Variants in SKP1 observed in about 807,000 individuals in gnomAD.
The protein encoded by SKP1 is S-phase kinase associated protein 1.
Under a neutral mutation model 21.5 loss-of-function variants are expected in SKP1, and 1 was observed. The ratio of observed to expected loss-of-function variants is 0.05; its 90% CI spans 0.02 to 0.22. SKP1 has a LOEUF of 0.22. SKP1 is among the 10% of genes least tolerant of loss of function. SKP1 has a pLI of 1.00. For synonymous variants in SKP1, 59 were observed against 59.3 expected, an observed-to-expected ratio of 0.99 and a Z score of 0.03; for missense variants, 70 against 192.0, an observed-to-expected ratio of 0.36 and a Z score of 3.76.
intron 3 of SKP1, among the ~76,000 whole-genome samples, chr5:134,164,089 G>A (rs1479833058): frequency 6.6e-6 from 1 of 152,054 alleles, no homozygotes; most frequent in Non-Finnish European, 1.5e-5. Context: ...GAGAGACTGA[G>A]GCAGGCGGAT....
chr5:134,172,906 G>A (rs917631204), intron 2 of SKP1, among the ~76,000 whole-genome samples: 9 of 151,866 alleles, frequency 5.9e-5, no homozygotes, highest in African/African-American at 2.2e-4. Context: ...CAGCTACTCG[G>A]GAGGCTAAGG....
intron 3 of SKP1, chr5:134,161,359 A>T: frequency 2.7e-6 from 1 of 377,056 alleles, no homozygotes; most frequent in East Asian, 3.9e-5. Context: ...ACTGTACTTG[A>T]CTACATTAAA....
rs969049239 is a variant in SKP1, at chr5:134,150,661, A to AC, written c.*7071dup. 3 of 152,292 alleles carry AC rather than the reference A, an allele frequency of 2.0e-5. No individual in the cohort carries two copies. Among genetic ancestry groups the AC allele is most frequent in the Admixed American group, 1.3e-4 (2 of 15,296 alleles). 9.4% of individuals were successfully genotyped at this position (152,292 alleles called of 1,614,324 possible). On this transcript the variant is annotated 3_prime_UTR_variant, in exon 6 of 6. Transcript: ENST00000353411. ...AAGCTCTTCAGGGCTTTAAGAGTTCACCAAGGGTTTCTGAAACAGCTGCCC... is the reference window on the plus strand; with the variant it reads ...AAGCTCTTCAGGGCTTTAAGAGTTCACCCAAGGGTTTCTGAAACAGCTGCCC...
At chr5:134,166,311 G>A (rs1184622811) in intron 3 of SKP1, among the ~76,000 whole-genome samples, 3 of 151,318 alleles carry the variant, frequency 2.0e-5, no homozygotes, top group Admixed American at 6.6e-5. Flanking sequence ...TGCTGGGCGC[G>A]GTGGCTCACA....
intron 5 of SKP1, 126 bp downstream of exon 5, chr5:134,158,329 A>AT: frequency 6.3e-7 from 1 of 1,575,370 alleles, no homozygotes; most frequent in African/African-American, 1.4e-5. Flanking sequence ...TTTAAGACAC[A>AT]TTAAGTACAT....
chr5:134,151,072 T>C lies in SKP1; in HGVS notation c.*6661A>G, dbSNP rs551377652. 1.3e-5 allele frequency: 2 copies of C among 152,332 alleles called. No homozygotes were observed. Among genetic ancestry groups the C allele is most frequent in the Non-Finnish European group, 2.9e-5 (2 of 68,050 alleles). 9.4% of individuals were successfully genotyped at this position (152,332 alleles called of 1,614,324 possible). On this transcript the variant is annotated 3_prime_UTR_variant, in exon 6 of 6. Transcript: ENST00000353411. ...GCAGTCCTCACAAGTTAGGTCACTA[T>C]TGGTAAGGGATGTTTCACTTCTGAA...
chr5:134,159,394 T>C (rs758114229), intron 4 of SKP1, among the ~76,000 whole-genome samples: 16 of 152,196 alleles, frequency 1.1e-4, no homozygotes, highest in Non-Finnish European at 2.4e-4. Flanking sequence ...GGAGACTTTT[T>C]TTTTAAGACA....
At chr5:134,167,508 T>C (rs955754426) in intron 2 of SKP1, among the ~76,000 whole-genome samples, 38 of 151,940 alleles carry the variant, frequency 2.5e-4, no homozygotes, top group Non-Finnish European at 5.1e-4. Flanking sequence ...TATCCGGCAT[T>C]GTAAGTAATC....
intron 1 of SKP1, among the ~76,000 whole-genome samples, chr5:134,175,963 C>G (rs1761534905): frequency 6.6e-6 from 1 of 152,076 alleles, no homozygotes; most frequent in African/African-American, 2.4e-5. Context: ...TTAAGTGACC[C>G]GAAATTCTGA....
intron 2 of SKP1, chr5:134,170,850 G>A: frequency 2.7e-6 from 1 of 374,262 alleles, no homozygotes; most frequent in Non-Finnish European, 5.2e-6. Flanking sequence ...TAGTGTGTCA[G>A]GCACCAAGAT....
Position 134,154,123 on chromosome 5 carries a change from A to G in SKP1, c.*3610T>C, listed in dbSNP as rs934554601. On this transcript the variant is annotated 3_prime_UTR_variant, in exon 6 of 6. Coordinates refer to ENST00000353411, the MANE Select transcript of SKP1 (RefSeq NM_170679.3). Reference sequence around the variant, plus strand: ...AGATTAAGGCAAGCTAACACATGGCACTTCAAAAGAGTAACTTGCTTCTAC... The same window carrying G: ...AGATTAAGGCAAGCTAACACATGGCGCTTCAAAAGAGTAACTTGCTTCTAC... 5 of 152,296 alleles carry G rather than the reference A, an allele frequency of 3.3e-5. No homozygotes were observed. The East Asian group carries it at 9.6e-4, about 29-fold the overall frequency. The allele number at this position is 152,296 out of a possible 1,614,324, so 9.4% of individuals were successfully genotyped here.
rs547494446 is a variant in SKP1 at position 134,159,406 on chromosome 5, C to T, written c.316-811G>A. On this transcript the variant is annotated intron_variant, in intron 4 of 5. Transcript: ENST00000353411. ...AATGGAGACTTTTTTTTTAAGACAC[C>T]GTCTCACTCTGTCACCCAGGCTGGA... Among the ~76,000 whole-genome samples the T allele has an allele frequency of 7.2e-5, 11 of 152,082 alleles. No individual in the cohort carries two copies. In the South Asian group the frequency reaches 8.3e-4, roughly 12 times the overall value.
At position 134,153,944 on chromosome 5, in the gene SKP1, A is replaced by ATAT. The variant is rs910638628; in HGVS notation, c.*3788_*3789insATA. ...TACCTGTCCAACCAAGTCACAATATAGTTCTTGCTTAATTCCAGGAGCTGG... is the reference window on the plus strand; with the variant it reads ...TACCTGTCCAACCAAGTCACAATATATATGTTCTTGCTTAATTCCAGGAGCTGG... On this transcript the variant is annotated 3_prime_UTR_variant, in exon 6 of 6. Coordinates refer to ENST00000353411, the MANE Select transcript of SKP1 (RefSeq NM_170679.3). 1 of 152,232 alleles carries ATAT rather than the reference A, an allele frequency of 6.6e-6. No homozygotes were observed. The highest frequency in any genetic ancestry group is 2.4e-5 in the African/African-American group (1 of 41,460). 9.4% of individuals were successfully genotyped at this position (152,232 alleles called of 1,614,324 possible). A position where few individuals can be genotyped will look rare whatever the true frequency, so the allele number is the denominator to read the frequency against.
intron 3 of SKP1, among the ~76,000 whole-genome samples, chr5:134,162,450 G>A (rs960720518): frequency 6.6e-6 from 1 of 152,158 alleles, no homozygotes; most frequent in African/African-American, 2.4e-5. Context: ...TTGTTGCCCA[G>A]GCTGGAGTGC....
At chr5:134,163,078 G>A (rs1315349070) in intron 3 of SKP1, among the ~76,000 whole-genome samples, 3 of 151,720 alleles carry the variant, frequency 2.0e-5, no homozygotes, top group Admixed American at 2.0e-4. Flanking sequence ...AGATGGGACT[G>A]GTGGTGCACA....
intron 2 of SKP1, among the ~76,000 whole-genome samples, chr5:134,173,012 CA>C (rs199935510): frequency 0.027 from 2,579 of 94,714 alleles, 59 homozygotes; most frequent in African/African-American, 0.081. Context: ...GACTCCGTCT[CA>C]AAAAAAAAAA....
At chr5:134,174,442 T>C (rs1330507996) in intron 1 of SKP1, 1 of 976,726 alleles carries the variant, frequency 1.0e-6, no homozygotes, top group Non-Finnish European at 1.2e-6. Context: ...GATAGAAATT[T>C]TCCCCACAGT....
intron 2 of SKP1, among the ~76,000 whole-genome samples, chr5:134,173,107 C>T (rs960069421): frequency 1.3e-5 from 2 of 151,334 alleles, no homozygotes; most frequent in Non-Finnish European, 2.9e-5. Flanking sequence ...TCGAGGTGGG[C>T]GGATCACCTG....
chr5:134,156,267 A>G lies in SKP1; in HGVS notation c.*1466T>C, dbSNP rs1256406622. On this transcript the variant is annotated 3_prime_UTR_variant, in exon 6 of 6. Coordinates refer to ENST00000353411, the MANE Select transcript of SKP1 (RefSeq NM_170679.3). ...AGAGAGAGAGAGAGAGAGAGAGAGA[A>G]TTTTAAATAACTCTTTACAACGTAA... 1.4e-5 allele frequency: 2 copies of G among 146,784 alleles called. No individual in the cohort carries two copies. Among genetic ancestry groups the G allele is most frequent in the African/African-American group, 5.1e-5 (2 of 39,318 alleles). The allele number at this position is 146,784 out of a possible 1,614,324, so 9.1% of individuals were successfully genotyped here.
Sources: gnomAD v4.1 joint callset for allele counts (sites outside exome capture counted in the v4.1 genomes callset) on GRCh38, gnomAD v4.1.1 for gene constraint, MANE v1.5 for transcripts, NCBI Gene and HGNC (gene_info 2026-07-23, HGNC 2026-07-21) for gene names.